The following TBC1D26 variants were observed in gnomAD, a reference collection of about 807,000 sequenced individuals.
TBC1D26 encodes the protein TBC1 domain family, member 26.
A neutral mutation model predicts 42.5 loss-of-function variants in TBC1D26; 19 were observed. That is an observed-to-expected ratio of 0.45 (90% CI 0.31 to 0.66). TBC1D26 has a LOEUF of 0.66. Among genes scored for constraint, TBC1D26 ranks in the 30% least tolerant of loss-of-function variants. The probability of loss-of-function intolerance (pLI) is 0.06; values close to 1 mark genes in which losing one functional copy is unlikely to be tolerated. For missense variants in TBC1D26, 228 were observed against 332.6 expected, an observed-to-expected ratio of 0.69 and a Z score of 2.45; for synonymous variants, 97 against 123.5, an observed-to-expected ratio of 0.79 and a Z score of 1.42.
At position 15,743,489 on chromosome 17, in the gene TBC1D26, A is replaced by G. The variant is rs1967847286; in HGVS notation, c.1030A>G (p.Lys344Glu). The G allele has an allele frequency of 1.0e-5, 10 of 995,284 alleles. No individual in the cohort carries two copies. Among genetic ancestry groups the G allele is most frequent in the Middle Eastern group, 4.9e-4 (1 of 2,054 alleles). 61.7% of individuals were successfully genotyped at this position (995,284 alleles called of 1,614,324 possible). ...NLQTSMKELT[K>E]KHWDLPPPGS... Reference sequence around the variant, plus strand: ...TCAAACCTCTATGAAGGAACTCACAAAAAAACACTGGGACCTGCCACCCCC... The same window carrying G: ...TCAAACCTCTATGAAGGAACTCACAGAAAAACACTGGGACCTGCCACCCCC... The change falls in exon 14 of 15, where the codon AAA (lysine) becomes GAA (glutamate). Residue 344 changes from lysine to glutamate, a missense_variant. Around this residue, in one of 5 missense-constraint regions of TBC1D26, gnomAD observed 130 missense variants for 168.5 expected, o/e 0.77. Transcript: ENST00000437605.
At chr17:15,735,294 T>G in intron 2 of TBC1D26, 54 bp from the exon 3 acceptor site, 1 of 1,395,810 alleles carries the variant, frequency 7.2e-7, no homozygotes, top group South Asian at 1.2e-5. Flanking sequence ...GTGGTTTGGC[T>G]GTTCTCTGGA....
chr17:15,742,087 G>T (rs1430120669), intron 11 of TBC1D26, 51 bp downstream of exon 11: 1 of 1,520,910 alleles, frequency 6.6e-7, no homozygotes, highest in African/African-American at 1.4e-5. Flanking sequence ...GCCCCCATAG[G>T]CCAGGGGAGG....
chr17:15,737,260 TC>T (rs1217958455), intron 4 of TBC1D26, among the ~76,000 whole-genome samples: 4 of 152,070 alleles, frequency 2.6e-5, no homozygotes, highest in South Asian at 2.1e-4. Flanking sequence ...GCTTCAAGTG[TC>T]CCCCCCACCC....
At chr17:15,738,966 A>T in intron 8 of TBC1D26, 136 bp downstream of exon 8, 1 of 1,272,274 alleles carries the variant, frequency 7.9e-7, no homozygotes, top group Non-Finnish European at 1.1e-6. Flanking sequence ...CCCAGGGAGC[A>T]GCCGGCACCA....
chr17:15,740,388 G>C, intron 9 of TBC1D26: 1 of 1,441,810 alleles, frequency 6.9e-7, no homozygotes, highest in South Asian at 1.5e-5. Context: ...TTGCCCCAAA[G>C]CCTAGGAGCT....
chr17:15,744,578 C>T lies in TBC1D26; in HGVS notation c.1393C>T (p.Pro465Ser), dbSNP rs1397511068. ...QAGVPWLLLT[P>S]SGS The stretch of plus-strand genomic sequence containing the variant: ...CGGTGTGCCCTGGCTGCTCTTGACA[C>T]CCTCTGGCTCCTGACACCCTCTCTT... The change falls in exon 15 of 15, where the codon CCC (proline) becomes TCC (serine). Residue 465 changes from proline to serine, a missense_variant. Pro to Ser is a moderately conservative substitution (Grantham distance 74, BLOSUM62 -1). Coordinates refer to ENST00000437605, the MANE Select transcript of TBC1D26 (RefSeq NM_001388465.1). 1 of 152,172 alleles carries T rather than the reference C, an allele frequency of 6.6e-6. No individual in the cohort carries two copies. The highest frequency in any genetic ancestry group is 2.4e-5 in the African/African-American group (1 of 41,436). The allele number at this position is 152,172 out of a possible 1,614,324, so 9.4% of individuals were successfully genotyped here.
intron 9 of TBC1D26, chr17:15,740,785 A>G (rs1357447594): frequency 1.1e-6 from 1 of 885,230 alleles, no homozygotes; most frequent in African/African-American, 1.7e-5. Context: ...TGGCAGGTGC[A>G]GTTCACAGGT....
intron 6 of TBC1D26, 69 bp downstream of exon 6, chr17:15,738,146 T>G: frequency 6.2e-7 from 1 of 1,613,078 alleles, no homozygotes; most frequent in Non-Finnish European, 8.5e-7. Context: ...CCCATGGTTG[T>G]GACCTGGCAC....
At chr17:15,735,496 G>A in intron 3 of TBC1D26, 73 bp downstream of exon 3, 1 of 1,470,886 alleles carries the variant, frequency 6.8e-7, no homozygotes, top group South Asian at 1.3e-5. Flanking sequence ...ACAGGGTCCT[G>A]GGCTTCCTAA....
chr17:15,740,405 G>T lies in TBC1D26; in HGVS notation c.546+257G>T, dbSNP rs3744331. The T allele has an allele frequency of 4.2e-6, 6 of 1,416,630 alleles. No individual in the cohort carries two copies. The African/African-American group carries it at 7.2e-5, about 17-fold the overall frequency. The allele number at this position is 1,416,630 out of a possible 1,614,324, so 87.8% of individuals were successfully genotyped here. A position where few individuals can be genotyped will look rare whatever the true frequency, so the allele number is the denominator to read the frequency against. ...GCCCCAAAGCCTAGGAGCTTGGCAG[G>T]GTCCCACACAGGATGGTCCTTGTAG... On this transcript the variant is annotated intron_variant, in intron 9 of 14. Transcript: ENST00000437605.
chr17:15,740,174 C>T (rs370901424), intron 9 of TBC1D26, 26 bp downstream of exon 9: 7 of 1,614,070 alleles, frequency 4.3e-6, no homozygotes, highest in Non-Finnish European at 5.9e-6. Context: ...CAGCGATATT[C>T]CTGGGACATG....
rs1250252558 is a variant in TBC1D26 at position 15,737,984 on chromosome 17, G to C, written c.199-13G>C. Reference sequence around the variant, plus strand: ...TGGCAGCTCCGCTAACTCCATCATGGCTCATTTGACAGCAAAGACGCAAGG... The same window carrying C: ...TGGCAGCTCCGCTAACTCCATCATGCCTCATTTGACAGCAAAGACGCAAGG... On this transcript the variant is annotated splice_polypyrimidine_tract_variant and intron_variant, in intron 5 of 14. Transcript: ENST00000437605. The C allele has an allele frequency of 6.2e-7, 1 of 1,614,036 alleles. No homozygotes were observed. The highest frequency in any genetic ancestry group is 8.5e-7 in the Non-Finnish European group (1 of 1,179,918).
rs1329833839 is a variant in TBC1D26, at chr17:15,743,455, C to T, written c.996C>T (p.Leu332=). The T allele has an allele frequency of 2.0e-6, 2 of 988,552 alleles. No individual in the cohort carries two copies. The highest frequency in any genetic ancestry group is 3.5e-5 in the African/African-American group (2 of 57,282). 61.2% of individuals were successfully genotyped at this position (988,552 alleles called of 1,614,324 possible). ...QSWALEDNAV[L]RNLQTSMKEL... is the part of the protein sequence containing the mutation. ...GGGCCCTGGAGGACAACGCGGTCCT[C>T]AGGAACCTTCAAACCTCTATGAAGG... is the stretch of plus-strand genomic sequence containing the variant. The change falls in exon 14 of 15, where the codon CTC becomes CTT. Residue 332 remains leucine, a synonymous_variant. Coordinates refer to ENST00000437605, the MANE Select transcript of TBC1D26 (RefSeq NM_001388465.1).
intron 6 of TBC1D26, 80 bp from the exon 7 acceptor site, chr17:15,738,200 G>A (rs1246009151): frequency 2.5e-6 from 4 of 1,607,240 alleles, no homozygotes; most frequent in Non-Finnish European, 2.6e-6. Context: ...CCTTGCCATA[G>A]GACTGCAGGC....
At chr17:15,740,220 T>C (rs772114521) in intron 9 of TBC1D26, 72 bp downstream of exon 9, 11 of 1,612,844 alleles carry the variant, frequency 6.8e-6, no homozygotes, top group Non-Finnish European at 8.5e-6. Flanking sequence ...CTCTTGGGGG[T>C]GTTGCAACTT....
At chr17:15,733,530 C>T (rs562407713) in intron 1 of TBC1D26, among the ~76,000 whole-genome samples, 1 of 152,192 alleles carries the variant, frequency 6.6e-6, no homozygotes, top group Non-Finnish European at 1.5e-5. Context: ...GGGGAGGACC[C>T]ATGGATGCTC....
chr17:15,739,529 G>T (rs1335823956), intron 8 of TBC1D26, among the ~76,000 whole-genome samples: 1 of 152,244 alleles, frequency 6.6e-6, no homozygotes, highest in African/African-American at 2.4e-5. Context: ...CCCAATGCCC[G>T]CAGGAACATG....
At chr17:15,741,293 C>T (rs770560334) in intron 10 of TBC1D26, 72 bp downstream of exon 10, 6 of 1,604,700 alleles carry the variant, frequency 3.7e-6, no homozygotes, top group African/African-American at 1.3e-5. Flanking sequence ...AGGGGACAGC[C>T]ACCCTGGCCG....
At chr17:15,733,913 GAC>G (rs1283580863) in intron 1 of TBC1D26, 1 of 152,308 alleles carries the variant, frequency 6.6e-6, no homozygotes, top group African/African-American at 2.4e-5. Flanking sequence ...CTAAGTGAGA[GAC>G]ACAGCAGCCT....
Sources: allele counts gnomAD v4.1 joint callset (sites outside exome capture counted in the v4.1 genomes callset), GRCh38; gene constraint gnomAD v4.1.1; regional missense constraint gnomAD v4.1.1; transcripts MANE v1.5; gene names NCBI Gene and HGNC (gene_info 2026-07-23, HGNC 2026-07-21).